Variants in TNS3 observed in about 807,000 individuals in gnomAD.
TNS3 encodes the protein tensin 3.
A neutral mutation model predicts 140.9 loss-of-function variants in TNS3; 45 were observed. The ratio of observed to expected loss-of-function variants is 0.32; its 90% CI spans 0.25 to 0.41. The LOEUF (loss-of-function observed/expected upper bound fraction) is 0.41. TNS3 is among the 10% of genes least tolerant of loss of function. The pLI, the probability that TNS3 is intolerant of heterozygous loss-of-function variation, is 1.00. For synonymous variants in TNS3, 815 were observed against 788.4 expected (o/e 1.03, Z -0.56); for missense variants, 1,716 against 1,906.7 (o/e 0.90, Z 1.86).
intron 16 of TNS3, among the ~76,000 whole-genome samples, chr7:47,370,608 G>A (rs905091634): frequency 1.3e-4 from 20 of 152,234 alleles, no homozygotes; most frequent in Non-Finnish European, 2.5e-4. Context: ...GCCAATTGCC[G>A]CGACCACACA....
At chr7:47,506,822 TC>T in intron 3 of TNS3, 84 bp downstream of exon 3, 1 of 1,085,434 alleles carries the variant, frequency 9.2e-7, no homozygotes, top group South Asian at 1.4e-5. Context: ...GTGGCTGCAG[TC>T]CAAAGAGGCC....
intron 21 of TNS3, 32 bp downstream of exon 21, chr7:47,304,800 C>A (rs1786649224): frequency 7.4e-7 from 1 of 1,345,770 alleles, no homozygotes; most frequent in African/African-American, 1.5e-5. Flanking sequence ...TTAAGGGGAA[C>A]TTGTGCCAAG....
Position 47,303,294 on chromosome 7 carries a change from C to T in TNS3, c.3113G>A (p.Gly1038Glu), listed in dbSNP as rs766944533. 1.9e-6 allele frequency: 3 copies of T among 1,613,550 alleles called. No individual in the cohort carries two copies. Among genetic ancestry groups the T allele is most frequent in the Admixed American group, 3.3e-5 (2 of 59,980 alleles). Residue 1038 changes from glycine (G) to glutamate (E), a missense_variant, in exon 22 of 31, where the codon GGG becomes GAG. Physicochemically the swap from Gly to Glu is moderately conservative, Grantham distance 98 (BLOSUM62 -2). Around this residue, in one of 3 missense-constraint regions of TNS3, gnomAD observed 1,163 missense variants for 1,182.1 expected, o/e 0.98. Transcript: ENST00000311160. The part of the protein sequence containing the change: ...GSGLPPEEDL[G>E]ALLANSHGAS... ...TCCATGAGAATTGGCCAGCAAGGCCCCCAGGTCCTCCTCGGGCGGAAGGCC... is the reference window on the plus strand; with the variant it reads ...TCCATGAGAATTGGCCAGCAAGGCCTCCAGGTCCTCCTCGGGCGGAAGGCC...
intron 2 of TNS3, among the ~76,000 whole-genome samples, chr7:47,511,492 A>C (rs1333433534): frequency 1.5e-5 from 1 of 65,966 alleles, no homozygotes; most frequent in African/African-American, 3.7e-5. Context: ...AAATATTTTA[A>C]ATACTCATCA....
intron 4 of TNS3, among the ~76,000 whole-genome samples, chr7:47,466,146 A>T (rs1796704441): frequency 1.3e-5 from 2 of 151,266 alleles, no homozygotes; most frequent in Admixed American, 6.6e-5. Flanking sequence ...TCAATATGTC[A>T]CTTCAGTTCC....
chr7:47,347,726 C>T (rs571419603), intron 17 of TNS3, among the ~76,000 whole-genome samples: 1 of 152,242 alleles, frequency 6.6e-6, no homozygotes, highest in South Asian at 2.1e-4. Flanking sequence ...ATCCTCTCTT[C>T]GGTTCCCAGC....
chr7:47,572,590 A>T (rs536908141), intron 1 of TNS3, among the ~76,000 whole-genome samples: 1 of 152,306 alleles, frequency 6.6e-6, no homozygotes, highest in South Asian at 2.1e-4. Flanking sequence ...AAAGAGCAAC[A>T]CATGATCGGG....
intron 3 of TNS3, among the ~76,000 whole-genome samples, chr7:47,487,538 C>T (rs1797657495): frequency 6.6e-6 from 1 of 152,120 alleles, no homozygotes; most frequent in Non-Finnish European, 1.5e-5. Flanking sequence ...CAACCCACAG[C>T]AATGAAACGG....
In TNS3 at chr7:47,411,708, G is replaced by T; in HGVS notation, c.723+19C>A. ...AGAGTGGGGACACCAACCCATCTGC[G>T]GCCACAGCGGGCACTCACCATGACA... On this transcript the variant is annotated intron_variant, in intron 13 of 30. Coordinates refer to ENST00000311160, the MANE Select transcript of TNS3 (RefSeq NM_022748.12). 6.2e-7 allele frequency: 1 copy of T among 1,603,718 alleles called. No homozygotes were observed. The highest frequency in any genetic ancestry group is 8.5e-7 in the Non-Finnish European group (1 of 1,174,854).
chr7:47,427,052 G>A (rs1386401362), intron 9 of TNS3, among the ~76,000 whole-genome samples: 1 of 149,646 alleles, frequency 6.7e-6, no homozygotes, highest in Non-Finnish European at 1.5e-5. Flanking sequence ...CTTGAACCCG[G>A]GAAGCAGAGG....
At chr7:47,365,640 T>G (rs1790652522) in intron 17 of TNS3, among the ~76,000 whole-genome samples, 1 of 151,878 alleles carries the variant, frequency 6.6e-6, no homozygotes, top group Non-Finnish European at 1.5e-5. Flanking sequence ...GGCGGGCGCC[T>G]GTAGTCCCAG....
At chr7:47,282,116 G>A (rs886095175) in intron 28 of TNS3, among the ~76,000 whole-genome samples, 1 of 149,160 alleles carries the variant, frequency 6.7e-6, no homozygotes. Flanking sequence ...TGAGTCCACC[G>A]TGCAGCTGAG....
intron 20 of TNS3, among the ~76,000 whole-genome samples, chr7:47,322,779 C>G (rs1277727954): frequency 6.6e-6 from 1 of 152,130 alleles, no homozygotes; most frequent in Non-Finnish European, 1.5e-5. Flanking sequence ...ATCACAGAAG[C>G]CCTACCCGGG....
At chr7:47,451,616 G>A (rs148202447) in intron 4 of TNS3, among the ~76,000 whole-genome samples, 407 of 152,188 alleles carry the variant, frequency 2.7e-3, no homozygotes, top group African/African-American at 7.7e-3. Context: ...CAAAAGCCAC[G>A]GATAAATCCA....
chr7:47,514,209 C>T (rs1584796714), intron 2 of TNS3, among the ~76,000 whole-genome samples: 2 of 152,224 alleles, frequency 1.3e-5, no homozygotes, highest in African/African-American at 2.4e-5. Flanking sequence ...AGCGGGGGAC[C>T]GCCAGACAAG....
At chr7:47,430,990 T>C (rs1467925115) in intron 8 of TNS3, among the ~76,000 whole-genome samples, 1 of 152,118 alleles carries the variant, frequency 6.6e-6, no homozygotes, top group Non-Finnish European at 1.5e-5. Context: ...CCCAAAGTGC[T>C]GGGATCACAG....
At chr7:47,541,948 C>CAAAAAAAAAAA (rs11314197) in intron 1 of TNS3, among the ~76,000 whole-genome samples, 17 of 131,010 alleles carry the variant, frequency 1.3e-4, no homozygotes, top group African/African-American at 4.6e-4. Context: ...GACTCCATCT[C>CAAAAAAAAAAA]AAAAAAAAAA....
At position 47,482,727 on chromosome 7, in the gene TNS3, C is replaced by A. The variant is rs914020671; in HGVS notation, c.-114-1586G>T. 2.0e-5 allele frequency among the ~76,000 whole-genome samples: 3 copies of A among 149,814 alleles called. No individual in the cohort carries two copies. In the East Asian group the frequency reaches 5.9e-4, roughly 29 times the overall value. On this transcript the variant is annotated intron_variant, in intron 3 of 30. Coordinates refer to ENST00000311160, the MANE Select transcript of TNS3 (RefSeq NM_022748.12). ...CTCACTATCAGCATTCCTGCAATGGCATGTCAAGCATGATGAAAAAAAAAA... is the reference window on the plus strand; with the variant it reads ...CTCACTATCAGCATTCCTGCAATGGAATGTCAAGCATGATGAAAAAAAAAA...
chr7:47,283,882 G>A lies in TNS3; in HGVS notation c.3929-17C>T, dbSNP rs116439334. 2,980 of 1,559,688 alleles carry A rather than the reference G, an allele frequency of 1.9e-3. 56 individuals are homozygous for A. The African/African-American group carries it at 0.036, about 19-fold the overall frequency. On this transcript the variant is annotated splice_polypyrimidine_tract_variant and intron_variant, in intron 27 of 30. Coordinates refer to ENST00000311160, the MANE Select transcript of TNS3 (RefSeq NM_022748.12). ...CATTGCAGGCTGGAAGACACCAAGG[G>A]AGACACATGTTAGTTGCAACTATTG...
Sources: gnomAD v4.1 joint callset for allele counts (sites outside exome capture counted in the v4.1 genomes callset) on GRCh38, gnomAD v4.1.1 for gene constraint, gnomAD v4.1.1 regional missense constraint, MANE v1.5 for transcripts, NCBI Gene and HGNC (gene_info 2026-07-23, HGNC 2026-07-21) for gene names.